MYO5A: variants seen among roughly 807,000 people sequenced by gnomAD.
MYO5A encodes the protein myosin VA, also known as unconventional myosin-Va.
A neutral mutation model predicts 249.7 loss-of-function variants in MYO5A; 98 were observed. The observed-to-expected ratio is 0.39, with a 90% confidence interval of 0.33 to 0.46. MYO5A has a LOEUF of 0.46. Ranked by LOEUF, MYO5A falls within the 20% of genes least tolerant of loss-of-function variation. The pLI is 0.98. For synonymous variants in MYO5A, 778 were observed against 810.6 expected (o/e 0.96, Z 0.68); for missense variants, 1,696 against 2,308.8 (o/e 0.73, Z 5.44).
intron 1 of MYO5A, among the ~76,000 whole-genome samples, chr15:52,451,348 A>G (rs749572110): frequency 1.3e-5 from 2 of 152,122 alleles, no homozygotes; most frequent in Non-Finnish European, 2.9e-5. Context: ...ATCCTAGCCA[A>G]TATTCACTCT....
chr15:52,481,143 A>C (rs1219488842), intron 1 of MYO5A, among the ~76,000 whole-genome samples: 1 of 152,202 alleles, frequency 6.6e-6, no homozygotes, highest in East Asian at 1.9e-4. Flanking sequence ...ATTTATCTGC[A>C]TTGCCAAAAT....
intron 1 of MYO5A, among the ~76,000 whole-genome samples, chr15:52,488,772 C>T (rs200614234): frequency 9.0e-6 from 1 of 110,666 alleles, no homozygotes; most frequent in Admixed American, 9.4e-5. Context: ...TTACTCTTCT[C>T]CTTACTTTGT....
intron 1 of MYO5A, among the ~76,000 whole-genome samples, chr15:52,520,273 G>GA (rs1420853534): frequency 1.3e-5 from 2 of 152,124 alleles, no homozygotes; most frequent in African/African-American, 4.8e-5. Flanking sequence ...GTTGGAGTAG[G>GA]ACTATCAATC....
At chr15:52,515,074 T>C (rs1436002147) in intron 1 of MYO5A, among the ~76,000 whole-genome samples, 1 of 151,938 alleles carries the variant, frequency 6.6e-6, no homozygotes, top group Non-Finnish European at 1.5e-5. Flanking sequence ...GCCCAGGAGT[T>C]CAAGACCAGC....
chr15:52,445,835 C>G (rs1595698239), intron 1 of MYO5A, among the ~76,000 whole-genome samples: 1 of 152,148 alleles, frequency 6.6e-6, no homozygotes, highest in South Asian at 2.1e-4. Flanking sequence ...AGGTATCTGG[C>G]AGAAGAAATT....
chr15:52,481,601 G>A (rs549701702), intron 1 of MYO5A, among the ~76,000 whole-genome samples: 10 of 152,262 alleles, frequency 6.6e-5, no homozygotes, highest in Non-Finnish European at 8.8e-5. Context: ...AGAGTACATG[G>A]TAACTTCCTA....
intron 1 of MYO5A, chr15:52,435,691 TAA>T (rs1408392548): frequency 2.2e-6 from 1 of 455,132 alleles, no homozygotes; most frequent in East Asian, 6.9e-5. Context: ...ATTTTTTACT[TAA>T]AGTTTGGGGA....
In MYO5A at chr15:52,322,853, T is replaced by C. The variant is rs1435344518; in HGVS notation, c.4800+502A>G. On this transcript the variant is annotated intron_variant, in intron 37 of 41. Coordinates refer to ENST00000399233, the MANE Select transcript of MYO5A (RefSeq NM_001382347.1). Reference sequence around the variant, plus strand: ...AATTTTCTTTTTTTTTTTTAAACTTTAAGTTTTAGGGTACATGTGCACAAT... The same window carrying C: ...AATTTTCTTTTTTTTTTTTAAACTTCAAGTTTTAGGGTACATGTGCACAAT... 3.9e-5 allele frequency among the ~76,000 whole-genome samples: 6 copies of C among 151,934 alleles called. No homozygotes were observed. In the South Asian group the frequency reaches 8.3e-4, roughly 21 times the overall value.
intron 4 of MYO5A, among the ~76,000 whole-genome samples, chr15:52,418,714 A>G (rs2043635609): frequency 6.6e-6 from 1 of 150,638 alleles, no homozygotes; most frequent in Admixed American, 6.6e-5. Flanking sequence ...TTATTCAAGG[A>G]TGAGCAAGAG....
chr15:52,379,760 A>C, intron 17 of MYO5A, 27 bp from the exon 18 acceptor site: 1 of 1,613,456 alleles, frequency 6.2e-7, no homozygotes, highest in Non-Finnish European at 8.5e-7. Context: ...ATCTGAGTTT[A>C]CTTAAAGAAC....
chr15:52,338,224 C>CTTT (rs561714948), intron 32 of MYO5A, among the ~76,000 whole-genome samples: 5 of 128,834 alleles, frequency 3.9e-5, no homozygotes, highest in Non-Finnish European at 6.5e-5. Context: ...ACTTGCTGCA[C>CTTT]TTTTTTTTTT....
rs1230671559 is a variant in MYO5A at position 52,482,404 on chromosome 15, A to G, written c.27+46376T>C. The stretch of plus-strand genomic sequence containing the variant: ...CTGCTGAAGAGGGAAGAGGATAGCC[A>G]GAGCTGGGAAAAAGAGGAGTCAACA... On this transcript the variant is annotated intron_variant, in intron 1 of 41. Transcript: ENST00000399233. Among the ~76,000 whole-genome samples, 5 of 152,212 alleles carry G rather than the reference A, an allele frequency of 3.3e-5. 1 individual carries two copies. The highest frequency in any genetic ancestry group is 2.9e-5 in the Non-Finnish European group (2 of 68,040).
intron 21 of MYO5A, 38 bp downstream of exon 21, chr15:52,372,086 G>T: frequency 6.2e-7 from 1 of 1,612,610 alleles, no homozygotes; most frequent in Non-Finnish European, 8.5e-7. Flanking sequence ...GATTTCTTCA[G>T]GCATACTCCA....
At chr15:52,343,260 G>C (rs16964903) in intron 30 of MYO5A, 63 bp from the exon 31 acceptor site, 1 of 1,321,786 alleles carries the variant, frequency 7.6e-7, no homozygotes, top group Non-Finnish European at 1.1e-6. Flanking sequence ...ATGAGGTGAC[G>C]ATGGTCAACA....
chr15:52,322,462 C>T (rs1304584944), intron 37 of MYO5A, among the ~76,000 whole-genome samples: 1 of 152,248 alleles, frequency 6.6e-6, no homozygotes, highest in African/African-American at 2.4e-5. Context: ...CCCAGCTCTG[C>T]TCCTTGTGGC....
chr15:52,517,449 C>G (rs1269610760), intron 1 of MYO5A, among the ~76,000 whole-genome samples: 1 of 152,196 alleles, frequency 6.6e-6, no homozygotes, highest in Non-Finnish European at 1.5e-5. Flanking sequence ...CTTTGGGAAT[C>G]TGAGGTGGGC....
chr15:52,448,187 G>C (rs1042891872), intron 1 of MYO5A, among the ~76,000 whole-genome samples: 4 of 152,266 alleles, frequency 2.6e-5, no homozygotes, highest in Admixed American at 1.3e-4. Context: ...AGCTGCCCAA[G>C]GCCTTGTGGG....
rs72738517 is a variant in MYO5A at position 52,464,164 on chromosome 15, G to A, written c.28-30879C>T. Among the ~76,000 whole-genome samples, 384 of 152,172 alleles carry A rather than the reference G, an allele frequency of 2.5e-3. 2 individuals are homozygous for A. Among genetic ancestry groups the A allele is most frequent in the Admixed American group, 4.8e-3 (73 of 15,290 alleles). ...CTTAAAACCACTACACAGTTTTGTC[G>A]CCAGCCCAACCCCAGGCCAAACCCC... is the stretch of plus-strand genomic sequence containing the variant. On this transcript the variant is annotated intron_variant, in intron 1 of 41. Coordinates refer to ENST00000399233, the MANE Select transcript of MYO5A (RefSeq NM_001382347.1).
intron 29 of MYO5A, among the ~76,000 whole-genome samples, chr15:52,346,834 A>C (rs2141007253): frequency 6.6e-6 from 1 of 151,646 alleles, no homozygotes; most frequent in African/African-American, 2.4e-5. Context: ...AAAAATAACC[A>C]GGCACCTATT....
Sources: allele counts gnomAD v4.1 joint callset (sites outside exome capture counted in the v4.1 genomes callset), GRCh38; gene constraint gnomAD v4.1.1; transcripts MANE v1.5; gene names NCBI Gene and HGNC (gene_info 2026-07-23, HGNC 2026-07-21).